Variants in FBLN5 observed in about 807,000 individuals in gnomAD.
The protein encoded by FBLN5 is fibulin 5.
In FBLN5, 24 loss-of-function variants were observed where a neutral mutation model predicts 61.6. That is an observed-to-expected ratio of 0.39 (90% confidence interval 0.28 to 0.55). The LOEUF (loss-of-function observed/expected upper bound fraction) is 0.55, where lower values mean the gene tolerates loss of function less well. Among genes scored for constraint, FBLN5 ranks in the 20% least tolerant of loss-of-function variants. The pLI is 0.65. For missense variants in FBLN5, 470 were observed against 594.1 expected (o/e 0.79, Z 2.17); for synonymous variants, 213 against 219.8 (o/e 0.97, Z 0.27).
At chr14:91,935,492 G>C (rs960940554) in intron 4 of FBLN5, among the ~76,000 whole-genome samples, 8 of 152,190 alleles carry the variant, frequency 5.3e-5, no homozygotes, top group African/African-American at 1.9e-4. Flanking sequence ...TGACATCCTG[G>C]AAGAGCAGCA....
intron 5 of FBLN5, among the ~76,000 whole-genome samples, chr14:91,893,014 C>T (rs2430357): frequency 0.086 from 11,547 of 134,856 alleles, 591 homozygotes; most frequent in Middle Eastern, 0.15. Context: ...GAGGAATGTC[C>T]GAGTTGCTGG....
At chr14:91,884,197 A>C (rs1595299436) in intron 7 of FBLN5, among the ~76,000 whole-genome samples, 1 of 151,116 alleles carries the variant, frequency 6.6e-6, no homozygotes, top group Admixed American at 6.6e-5. Flanking sequence ...AGAAGGAAAA[A>C]CTCCTTCCTG....
At chr14:91,939,469 A>T (rs1393471072) in intron 3 of FBLN5, among the ~76,000 whole-genome samples, 1 of 151,378 alleles carries the variant, frequency 6.6e-6, no homozygotes, top group African/African-American at 2.4e-5. Flanking sequence ...CTTCCTGAGT[A>T]GCTGGGGCTA....
At chr14:91,896,494 T>C (rs908360470) in intron 4 of FBLN5, among the ~76,000 whole-genome samples, 1 of 152,206 alleles carries the variant, frequency 6.6e-6, no homozygotes, top group Non-Finnish European at 1.5e-5. Context: ...TGCAATTCAC[T>C]GAGCCTGTGT....
intron 10 of FBLN5, chr14:91,874,093 A>C (rs1224147566): frequency 2.0e-5 from 3 of 152,308 alleles, no homozygotes; most frequent in Non-Finnish European, 4.4e-5. Flanking sequence ...TGTGGGCATA[A>C]GTGTGTGCAT....
chr14:91,904,888 C>A (rs1376798578), intron 4 of FBLN5, among the ~76,000 whole-genome samples: 3 of 152,188 alleles, frequency 2.0e-5, no homozygotes, highest in Non-Finnish European at 4.4e-5. Context: ...CCTCTTTCCT[C>A]CTGGGACAGC....
chr14:91,933,514 C>A (rs2055962496), intron 4 of FBLN5, among the ~76,000 whole-genome samples: 1 of 152,084 alleles, frequency 6.6e-6, no homozygotes, highest in African/African-American at 2.4e-5. Context: ...GTGATCCACC[C>A]ACCTCGGCCT....
intron 10 of FBLN5, 63 bp from the exon 11 acceptor site, chr14:91,870,448 C>G: frequency 2.6e-6 from 4 of 1,552,150 alleles, no homozygotes; most frequent in Non-Finnish European, 3.6e-6. Context: ...GCAGCCCCAC[C>G]TGGGCGCTCC....
chr14:91,898,459 G>A (rs7145130), intron 4 of FBLN5, among the ~76,000 whole-genome samples: 1 of 151,992 alleles, frequency 6.6e-6, no homozygotes, highest in Non-Finnish European at 1.5e-5. Context: ...AAAACTGGAA[G>A]TGTTCACACG....
At chr14:91,930,545 G>A (rs1251732010) in intron 4 of FBLN5, among the ~76,000 whole-genome samples, 1 of 152,222 alleles carries the variant, frequency 6.6e-6, no homozygotes. Flanking sequence ...TTTTCCTCCA[G>A]ATCTGTTTCA....
At position 91,881,290 on chromosome 14, in the gene FBLN5, A is replaced by G; in HGVS notation, c.989+2T>C. The stretch of plus-strand genomic sequence containing the variant: ...ATTCCCCAGGGGGACGCCGTGACTT[A>G]CTTATCACTGATCCTCAGATAAGGC... On this transcript the variant is annotated splice_donor_variant, in intron 9 of 10. Transcript: ENST00000342058. LOFTEE classifies it high-confidence loss of function. 5.0e-6 allele frequency: 8 copies of G among 1,614,036 alleles called. No individual in the cohort carries two copies. Among genetic ancestry groups the G allele is most frequent in the East Asian group, 2.2e-5 (1 of 44,876 alleles).
intron 2 of FBLN5, 71 bp downstream of exon 2, chr14:91,942,836 G>A (rs1197065611): frequency 1.0e-6 from 1 of 981,358 alleles, no homozygotes; most frequent in African/African-American, 1.6e-5. Context: ...GGGTTCCGTA[G>A]CGCAAGGCTG....
At chr14:91,902,894 T>C (rs1890518261) in intron 4 of FBLN5, among the ~76,000 whole-genome samples, 1 of 152,054 alleles carries the variant, frequency 6.6e-6, no homozygotes, top group Admixed American at 6.5e-5. Flanking sequence ...GAACTGACCA[T>C]GAAGATGGCC....
intron 4 of FBLN5, among the ~76,000 whole-genome samples, chr14:91,916,149 C>G (rs1286811354): frequency 6.6e-6 from 1 of 152,064 alleles, no homozygotes; most frequent in Non-Finnish European, 1.5e-5. Flanking sequence ...AAGAACAGCT[C>G]AAAAGAATTC....
chr14:91,894,934 C>T lies in FBLN5; in HGVS notation c.502+16G>A, dbSNP rs748871766. 75 of 1,613,388 alleles carry T rather than the reference C, an allele frequency of 4.6e-5. No homozygotes were observed. The highest frequency in any genetic ancestry group is 6.4e-5 in the Non-Finnish European group (75 of 1,179,628). On this transcript the variant is annotated intron_variant, in intron 5 of 10. Transcript: ENST00000342058. ...AACTTCCAAGAGTCCCTGTGACCCC[C>T]CCAGAGAGCTGTTACCTAAGCACTG...
intron 4 of FBLN5, among the ~76,000 whole-genome samples, chr14:91,905,348 A>G (rs1890639826): frequency 6.6e-6 from 1 of 152,150 alleles, no homozygotes; most frequent in Non-Finnish European, 1.5e-5. Flanking sequence ...TGGCACACAA[A>G]CAAGCATGTG....
intron 4 of FBLN5, among the ~76,000 whole-genome samples, chr14:91,922,031 C>T (rs555372011): frequency 6.6e-6 from 1 of 152,230 alleles, no homozygotes; most frequent in African/African-American, 2.4e-5. Flanking sequence ...CAGACAGGCG[C>T]GGTGGCCTGT....
intron 1 of FBLN5, among the ~76,000 whole-genome samples, chr14:91,945,152 AC>A (rs2056163832): frequency 6.6e-6 from 1 of 150,942 alleles, no homozygotes; most frequent in Admixed American, 6.6e-5. Flanking sequence ...AATCACTTGA[AC>A]CCAGGAGGCA....
chr14:91,885,999 T>C (rs767868109), intron 7 of FBLN5, among the ~76,000 whole-genome samples: 1 of 152,244 alleles, frequency 6.6e-6, no homozygotes, highest in Non-Finnish European at 1.5e-5. Context: ...CTGACTGTCC[T>C]GGCCCTAGGG....
Sources: allele counts gnomAD v4.1 joint callset (sites outside exome capture counted in the v4.1 genomes callset), GRCh38; gene constraint gnomAD v4.1.1; transcripts MANE v1.5; gene names NCBI Gene and HGNC (gene_info 2026-07-23, HGNC 2026-07-21).